Variants in MECOM observed in about 807,000 individuals in gnomAD.
MECOM encodes the protein histone-lysine N-methyltransferase MECOM.
Under a neutral mutation model 116.3 loss-of-function variants are expected in MECOM, and 13 were observed. The ratio of observed to expected loss-of-function variants is 0.11; its 90% confidence interval spans 0.07 to 0.18. MECOM has a LOEUF of 0.18. Ranked by LOEUF, MECOM falls within the 10% of genes least tolerant of loss-of-function variation. The pLI, the probability that MECOM is intolerant of heterozygous loss-of-function variation, is 1.00. For synonymous variants in MECOM, 528 were observed against 535.2 expected (o/e 0.99, Z 0.19); for missense variants, 1,299 against 1,509.0 (o/e 0.86, Z 2.31).
intron 1 of MECOM, among the ~76,000 whole-genome samples, chr3:169,416,056 G>C (rs1738535375): frequency 6.6e-6 from 1 of 152,008 alleles, no homozygotes; most frequent in Admixed American, 6.6e-5. Flanking sequence ...CTCCACCCCA[G>C]ATCAAAGTAA....
At chr3:169,431,309 CT>C (rs1326817261) in intron 1 of MECOM, among the ~76,000 whole-genome samples, 1 of 152,128 alleles carries the variant, frequency 6.6e-6, no homozygotes, top group Admixed American at 6.5e-5. Flanking sequence ...GAAACTCAAG[CT>C]TGTGGCGAGA....
rs540977324 is a variant in MECOM, at chr3:169,663,682, TGC to T, written c.-312_-311del. On this transcript the variant is annotated 5_prime_UTR_variant, in exon 1 of 17. An upstream open reading frame in the 5' UTR gains an earlier in-frame stop. Coordinates refer to ENST00000651503, the MANE Select transcript of MECOM (RefSeq NM_004991.4). ...TTGTCAGTTTGGACACCTTCGCACA[TGC>T]GCGCTAGACGCCCCTCCAACATCTC... The T allele has an allele frequency of 1.3e-4, 50 of 378,710 alleles. No individual in the cohort carries two copies. Among genetic ancestry groups the T allele is most frequent in the Middle Eastern group, 6.7e-4 (1 of 1,490 alleles). 23.5% of individuals were successfully genotyped at this position (378,710 alleles called of 1,614,324 possible).
At chr3:169,309,093 G>T (rs1718265230) in intron 2 of MECOM, among the ~76,000 whole-genome samples, 1 of 152,110 alleles carries the variant, frequency 6.6e-6, no homozygotes, top group Non-Finnish European at 1.5e-5. Context: ...AATATATTTT[G>T]CTGACGTTCA....
At chr3:169,120,780 A>T in intron 7 of MECOM, 1 of 257,520 alleles carries the variant, frequency 3.9e-6, no homozygotes, top group East Asian at 6.9e-5. Context: ...AAATCCTACA[A>T]CCTGTGGAGG....
chr3:169,434,038 G>A (rs150394630), intron 1 of MECOM, among the ~76,000 whole-genome samples: 239 of 152,254 alleles, frequency 1.6e-3, no homozygotes, highest in African/African-American at 5.0e-3. Context: ...GTGTCAAAAC[G>A]TAATTGATAA....
intron 2 of MECOM, among the ~76,000 whole-genome samples, chr3:169,243,955 C>T (rs1174707754): frequency 6.6e-6 from 1 of 152,240 alleles, no homozygotes; most frequent in Non-Finnish European, 1.5e-5. Flanking sequence ...CTTTGTCTGC[C>T]TTCTTCAATT....
chr3:169,326,206 G>A (rs905062790), intron 2 of MECOM, among the ~76,000 whole-genome samples: 9 of 152,128 alleles, frequency 5.9e-5, no homozygotes, highest in African/African-American at 2.2e-4. Flanking sequence ...CAGAGAGAGA[G>A]GAGAGCCTTC....
intron 1 of MECOM, among the ~76,000 whole-genome samples, chr3:169,553,058 G>A (rs1435085644): frequency 1.3e-5 from 2 of 151,862 alleles, no homozygotes; most frequent in Middle Eastern, 3.4e-3. Context: ...TCAGCTACCA[G>A]GTACTTTTTT....
intron 1 of MECOM, among the ~76,000 whole-genome samples, chr3:169,458,301 A>C (rs540509034): frequency 6.6e-6 from 1 of 152,348 alleles, no homozygotes; most frequent in Non-Finnish European, 1.5e-5. Context: ...CACCTCAGAA[A>C]GCTTCCTGCA....
At chr3:169,410,517 C>T (rs938350657) in intron 1 of MECOM, among the ~76,000 whole-genome samples, 1 of 152,192 alleles carries the variant, frequency 6.6e-6, no homozygotes, top group African/African-American at 2.4e-5. Context: ...AATATCTCAA[C>T]TTTTCCCCCT....
intron 1 of MECOM, among the ~76,000 whole-genome samples, chr3:169,503,530 T>G (rs370825166): frequency 6.6e-6 from 1 of 152,210 alleles, no homozygotes; most frequent in African/African-American, 2.4e-5. Context: ...AATCTTTCTT[T>G]TAGGTTTACA....
At chr3:169,416,251 T>A (rs1003750786) in intron 1 of MECOM, among the ~76,000 whole-genome samples, 1 of 152,122 alleles carries the variant, frequency 6.6e-6, no homozygotes, top group Non-Finnish European at 1.5e-5. Context: ...AAATGGAAAC[T>A]GAACAACATG....
At chr3:169,281,950 A>G (rs951334874) in intron 2 of MECOM, among the ~76,000 whole-genome samples, 1 of 152,194 alleles carries the variant, frequency 6.6e-6, no homozygotes, top group Non-Finnish European at 1.5e-5. Flanking sequence ...CCTTGGGACT[A>G]TATTGCCAAC....
chr3:169,325,313 G>A (rs1214910706), intron 2 of MECOM, among the ~76,000 whole-genome samples: 1 of 152,152 alleles, frequency 6.6e-6, no homozygotes, highest in Admixed American at 6.5e-5. Context: ...CCAAATTCCC[G>A]ATGAATGTTT....
rs1553863348 is a variant in MECOM, at chr3:169,472,657, A to AGGAGAG, written c.38-91134_38-91133insCTCTCC. The stretch of plus-strand genomic sequence containing the variant: ...GAAAAGGAAAGGAAAGGAAAAGAAA[A>AGGAGAG]GAAAGGAAAGGAAAGGAGAGGAGAG... On this transcript the variant is annotated intron_variant, in intron 1 of 16. Coordinates refer to ENST00000651503, the MANE Select transcript of MECOM (RefSeq NM_004991.4). Among the ~76,000 whole-genome samples the AGGAGAG allele has an allele frequency of 7.9e-4, 44 of 55,922 alleles. 4 individuals carry two copies. Among genetic ancestry groups the AGGAGAG allele is most frequent in the Non-Finnish European group, 1.3e-3 (37 of 27,488 alleles). 36.7% of individuals were successfully genotyped at this position (55,922 alleles called of 152,430 possible). A position where few individuals can be genotyped will look rare whatever the true frequency, so the allele number is the denominator to read the frequency against.
At chr3:169,196,101 T>C (rs1334805749) in intron 2 of MECOM, among the ~76,000 whole-genome samples, 1 of 152,040 alleles carries the variant, frequency 6.6e-6, no homozygotes, top group Non-Finnish European at 1.5e-5. Flanking sequence ...GGATCCAGCA[T>C]GAATAGAGTT....
chr3:169,144,960 G>A (rs1186127046), intron 2 of MECOM: 2 of 1,519,900 alleles, frequency 1.3e-6, no homozygotes. Flanking sequence ...TAGAATTCAG[G>A]CAATCACCCA....
At chr3:169,648,594 C>T (rs989495653) in intron 1 of MECOM, among the ~76,000 whole-genome samples, 1 of 152,226 alleles carries the variant, frequency 6.6e-6, no homozygotes, top group Non-Finnish European at 1.5e-5. Context: ...ATGTTCAATG[C>T]ACTGATTTCT....
Position 169,295,209 on chromosome 3 carries a change from T to A in MECOM, c.375+85978A>T, listed in dbSNP as rs1178835469. On this transcript the variant is annotated intron_variant, in intron 2 of 16. Coordinates refer to ENST00000651503, the MANE Select transcript of MECOM (RefSeq NM_004991.4). Reference sequence around the variant, plus strand: ...GGATCTAGGTTGACTTTTATCTATTTTATATATTGGGTTTCTGAGTAAGAT... The same window carrying A: ...GGATCTAGGTTGACTTTTATCTATTATATATATTGGGTTTCTGAGTAAGAT... Among the ~76,000 whole-genome samples, 5 of 152,202 alleles carry A rather than the reference T, an allele frequency of 3.3e-5. No homozygotes were observed. In the East Asian group the frequency reaches 9.6e-4, roughly 29 times the overall value.
Sources: allele counts gnomAD v4.1 joint callset (sites outside exome capture counted in the v4.1 genomes callset), GRCh38; gene constraint gnomAD v4.1.1; transcripts MANE v1.5; gene names NCBI Gene and HGNC (gene_info 2026-07-23, HGNC 2026-07-21).